Variants in PMP22 observed in about 807,000 individuals in gnomAD.
The protein encoded by PMP22 is Charcot-Marie-Tooth neuropathy 1A (greatly reduced nerve conduction velocity, hereditary motor sensory neuropathy Ia).
Under a neutral mutation model 18.9 loss-of-function variants are expected in PMP22, and 2 were observed. The ratio of observed to expected loss-of-function variants is 0.11; its 90% confidence interval spans 0.04 to 0.33. The LOEUF is 0.33. Ranked by LOEUF, PMP22 falls within the 10% of genes least tolerant of loss-of-function variation. The probability of loss-of-function intolerance (pLI) is 1.00; values close to 1 mark genes in which losing one functional copy is unlikely to be tolerated. For missense variants in PMP22, 169 were observed against 202.2 expected, an observed-to-expected ratio of 0.84 and a Z score of 1.00; for synonymous variants, 95 against 89.2, an observed-to-expected ratio of 1.07 and a Z score of -0.37.
chr17:15,230,880 T>C lies in PMP22; in HGVS notation c.*37A>G, dbSNP rs752369935. 2 of 1,610,172 alleles carry C rather than the reference T, an allele frequency of 1.2e-6. No homozygotes were observed. Among genetic ancestry groups the C allele is most frequent in the Non-Finnish European group, 8.5e-7 (1 of 1,177,248 alleles). Reference sequence around the variant, plus strand: ...CTGTTTTCCCTTCCTCCCTTCCCTATGTACGCTCAGAGCCTCAGACAGACC... The same window carrying C: ...CTGTTTTCCCTTCCTCCCTTCCCTACGTACGCTCAGAGCCTCAGACAGACC... On this transcript the variant is annotated 3_prime_UTR_variant, in exon 5 of 5. Transcript: ENST00000312280.
In PMP22 at chr17:15,239,236, T is replaced by C. The variant is rs1401263138; in HGVS notation, c.319+235A>G. The C allele has an allele frequency of 4.9e-6, 3 of 617,390 alleles. No homozygotes were observed. In the Admixed American group the frequency reaches 8.2e-5, roughly 17 times the overall value. 38.2% of individuals were successfully genotyped at this position (617,390 alleles called of 1,614,324 possible). On this transcript the variant is annotated intron_variant, in intron 4 of 4. Transcript: ENST00000312280. ...CCTTCCTTCCAGATCCTCTAAGTTC[T>C]CTTTCATATGCATCTCATTCCAGGG...
chr17:15,236,326 A>G (rs1187429056), intron 4 of PMP22, among the ~76,000 whole-genome samples: 1 of 152,308 alleles, frequency 6.6e-6, no homozygotes, highest in Middle Eastern at 3.4e-3. Context: ...AGTCAGCTCC[A>G]AGAGCCCTAG....
intron 3 of PMP22, among the ~76,000 whole-genome samples, chr17:15,245,005 C>A (rs1456813726): frequency 1.3e-5 from 2 of 152,190 alleles, no homozygotes; most frequent in Admixed American, 1.3e-4. Flanking sequence ...GAATTCTGGG[C>A]AGGACTGGGC....
chr17:15,250,463 A>T (rs980584546), intron 3 of PMP22, among the ~76,000 whole-genome samples: 8 of 151,890 alleles, frequency 5.3e-5, no homozygotes, highest in Non-Finnish European at 8.8e-5. Flanking sequence ...TCCAGCCCAG[A>T]CCTCTCCCCT....
At chr17:15,231,168 G>A in intron 4 of PMP22, 88 bp from the exon 5 acceptor site, 1 of 1,313,012 alleles carries the variant, frequency 7.6e-7, no homozygotes, top group South Asian at 1.2e-5. Context: ...ACAATTGCTG[G>A]GTAGGAAGAA....
At chr17:15,259,769 G>A (rs1441158217) in intron 2 of PMP22, among the ~76,000 whole-genome samples, 4 of 149,150 alleles carry the variant, frequency 2.7e-5, no homozygotes, top group Admixed American at 6.7e-5. Flanking sequence ...GTGAAACCCC[G>A]TCTCTACTAA....
At chr17:15,239,220 C>T (rs1907072830) in intron 4 of PMP22, 1 of 611,522 alleles carries the variant, frequency 1.6e-6, no homozygotes, top group South Asian at 2.0e-5. Flanking sequence ...ACCTTCCTTC[C>T]AGATCCTCTA....
Position 15,230,653 on chromosome 17 carries a change from A to C in PMP22, c.*264T>G, listed in dbSNP as rs1906223866. ...TGTAAAGTTCCTTAGCTACTTCTTT[A>C]AGGCTCAACACGAGGCTGATGGTCA... On this transcript the variant is annotated 3_prime_UTR_variant, in exon 5 of 5. Coordinates refer to ENST00000312280, the MANE Select transcript of PMP22 (RefSeq NM_000304.4). The C allele has an allele frequency of 8.1e-6, 4 of 494,294 alleles. No individual in the cohort carries two copies. The highest frequency in any genetic ancestry group is 1.5e-5 in the Non-Finnish European group (4 of 271,804). The allele number at this position is 494,294 out of a possible 1,614,324, so 30.6% of individuals were successfully genotyped here. A position where few individuals can be genotyped will look rare whatever the true frequency, so the allele number is the denominator to read the frequency against.
Position 15,261,419 on chromosome 17 carries a change from G to A in PMP22, c.-34-658C>T, listed in dbSNP as rs530045109. ...CTGGCGGCTCCGGAGAGGTGGTGCA[G>A]AGCCAGAGTAGTGTGGAAAGAAAAG... On this transcript the variant is annotated intron_variant, in intron 1 of 4. Coordinates refer to ENST00000312280, the MANE Select transcript of PMP22 (RefSeq NM_000304.4). This position sits in a 1 kb window ranked among gnomAD's most constrained non-coding sequence, Gnocchi z 5.2. 6.6e-6 allele frequency: 1 copy of A among 152,590 alleles called. No homozygotes were observed. The highest frequency in any genetic ancestry group is 1.5e-5 in the Non-Finnish European group (1 of 68,244). The allele number at this position is 152,590 out of a possible 1,614,324, so 9.5% of individuals were successfully genotyped here.
intron 4 of PMP22, 26 bp from the exon 5 acceptor site, chr17:15,231,106 G>C (rs1278833058): frequency 1.2e-6 from 2 of 1,612,290 alleles, no homozygotes; most frequent in South Asian, 2.2e-5. Flanking sequence ...GACAAGCTGG[G>C]TGACGGAGAG....
At chr17:15,255,840 G>A (rs532218239) in intron 3 of PMP22, among the ~76,000 whole-genome samples, 11 of 152,092 alleles carry the variant, frequency 7.2e-5, no homozygotes, top group Non-Finnish European at 1.3e-4. Context: ...GAACTCAGAC[G>A]CTGTCTGCCT....
rs1909045643 is a variant in PMP22, at chr17:15,258,748, C to G, written c.178+346G>C. ...CCAAACCAAAGATACACGTTTGATC[C>G]AATGTCCCAAGGGGGTCTGCCAAAG... On this transcript the variant is annotated intron_variant, in intron 3 of 4. Transcript: ENST00000312280. The surrounding 1 kb of genome is among the most constrained non-coding windows in gnomAD (Gnocchi z 4.1). The G allele has an allele frequency of 2.7e-6, 1 of 363,780 alleles. No individual in the cohort carries two copies. Among genetic ancestry groups the G allele is most frequent in the Non-Finnish European group, 5.3e-6 (1 of 187,256 alleles). 22.5% of individuals were successfully genotyped at this position (363,780 alleles called of 1,614,324 possible).
chr17:15,260,998 C>T, intron 1 of PMP22: 1 of 275,532 alleles, frequency 3.6e-6, no homozygotes, highest in Non-Finnish European at 6.6e-6. Context: ...AACGGAACAT[C>T]TTTTGCTTTT....
intron 3 of PMP22, among the ~76,000 whole-genome samples, chr17:15,252,045 G>A (rs1343722014): frequency 6.6e-6 from 1 of 152,090 alleles, no homozygotes; most frequent in Admixed American, 6.6e-5. Context: ...ATAAGAGCCT[G>A]TAAAATCCAG....
chr17:15,231,474 A>C lies in PMP22; in HGVS notation c.320-394T>G, dbSNP rs79304598. On this transcript the variant is annotated intron_variant, in intron 4 of 4. Transcript: ENST00000312280. ...CTGGAAATCTATATGCCACTCTACA[A>C]GTGAGTGGTGGCATTACCTAAAGCC... 9.6e-3 allele frequency among the ~76,000 whole-genome samples: 1,468 copies of C among 152,250 alleles called. 21 individuals carry two copies. Among genetic ancestry groups the C allele is most frequent in the African/African-American group, 0.033 (1,383 of 41,550 alleles).
intron 3 of PMP22, among the ~76,000 whole-genome samples, chr17:15,243,639 T>C (rs1409963147): frequency 6.7e-6 from 1 of 149,752 alleles, no homozygotes. Context: ...TAATTGTAAC[T>C]TTATAATATA....
rs373417110 is a variant in PMP22, at chr17:15,259,209, T to G, written c.79-16A>C. On this transcript the variant is annotated splice_polypyrimidine_tract_variant and intron_variant, in intron 2 of 4. Coordinates refer to ENST00000312280, the MANE Select transcript of PMP22 (RefSeq NM_000304.4). ...CGATCCATTGCTAGAGAGAATCAGA[T>G]AGATATCCTGAGTCAGGGAGGGAGG... 6 of 1,591,516 alleles carry G rather than the reference T, an allele frequency of 3.8e-6. No individual in the cohort carries two copies. Among genetic ancestry groups the G allele is most frequent in the Non-Finnish European group, 5.2e-6 (6 of 1,159,752 alleles).
intron 3 of PMP22, among the ~76,000 whole-genome samples, chr17:15,242,951 A>G (rs1198065800): frequency 1.3e-5 from 2 of 152,210 alleles, no homozygotes; most frequent in African/African-American, 4.8e-5. Context: ...TCGGATTAAA[A>G]AAAACAAGAT....
At chr17:15,255,638 A>G (rs79419803) in intron 3 of PMP22, among the ~76,000 whole-genome samples, 4,926 of 152,266 alleles carry the variant, frequency 0.032, 266 homozygotes, top group African/African-American at 0.11. Flanking sequence ...TCTCTTATAC[A>G]CAATCAATCC....
Sources: gnomAD v4.1 joint callset for allele counts (sites outside exome capture counted in the v4.1 genomes callset) on GRCh38, gnomAD v4.1.1 for gene constraint, Gnocchi (gnomAD v3.1) non-coding constraint, MANE v1.5 for transcripts, NCBI Gene and HGNC (gene_info 2026-07-23, HGNC 2026-07-21) for gene names.